The following ARHGAP32 variants were observed in gnomAD, a reference collection of about 807,000 sequenced individuals.
The protein encoded by ARHGAP32 is rho GTPase-activating protein 32.
Under a neutral mutation model 186.5 loss-of-function variants are expected in ARHGAP32, and 51 were observed. The ratio of observed to expected loss-of-function variants is 0.27; its 90% confidence interval spans 0.22 to 0.35. The LOEUF is 0.35. ARHGAP32 is among the 10% of genes least tolerant of loss of function. The pLI, the probability that ARHGAP32 is intolerant of heterozygous loss-of-function variation, is 1.00. For synonymous variants in ARHGAP32, 950 were observed against 964.3 expected (o/e 0.99, Z 0.27); for missense variants, 2,186 against 2,623.5 (o/e 0.83, Z 3.64).
rs116342504 is a variant in ARHGAP32 at position 129,149,199 on chromosome 11, A to G, written c.225+15120T>C. 1.0e-3 allele frequency among the ~76,000 whole-genome samples: 155 copies of G among 152,344 alleles called. 1 individual carries two copies. Among genetic ancestry groups the G allele is most frequent in the African/African-American group, 3.6e-3 (151 of 41,582 alleles). ...GAGGCCAATCTACTTGGGCCATAAC[A>G]GCAACTTATGACAGAATAATCTTGC... On this transcript the variant is annotated intron_variant, in intron 2 of 22. Coordinates refer to ENST00000682385, the MANE Select transcript of ARHGAP32 (RefSeq NM_001378024.1).
intron 1 of ARHGAP32, among the ~76,000 whole-genome samples, chr11:129,258,836 A>C (rs1254540203): frequency 6.6e-6 from 1 of 152,204 alleles, no homozygotes; most frequent in Non-Finnish European, 1.5e-5. Context: ...CACATACTGG[A>C]AAGTTAATAG....
At chr11:128,979,310 G>T (rs908595778) in intron 18 of ARHGAP32, among the ~76,000 whole-genome samples, 1 of 152,066 alleles carries the variant, frequency 6.6e-6, no homozygotes, top group Non-Finnish European at 1.5e-5. Flanking sequence ...AGAAGACAAG[G>T]ATTAAGAATA....
chr11:129,234,378 T>C (rs1236344354), intron 1 of ARHGAP32, among the ~76,000 whole-genome samples: 1 of 152,074 alleles, frequency 6.6e-6, no homozygotes, highest in African/African-American at 2.4e-5. Flanking sequence ...TTTGAAACTA[T>C]AAAAATATAT....
Position 128,970,501 on chromosome 11 carries a change from T to C in ARHGAP32, c.4712A>G (p.Tyr1571Cys). 6.2e-7 allele frequency: 1 copy of C among 1,614,156 alleles called. No individual in the cohort carries two copies. The highest frequency in any genetic ancestry group is 8.5e-7 in the Non-Finnish European group (1 of 1,180,024). ...GACAGAGGAGCTCAAAGAAGACACA[T>C]ACTCGACCCGGCTGCATGGCTTGGA... ...HHSKPCSRVE[Y>C]VSSLSSSVRN... is the part of the protein sequence containing the mutation. The change falls in exon 23 of 23, where the codon TAT becomes TGT. Residue 1571 changes from tyrosine (Y) to cysteine (C), a missense_variant. Physicochemically the swap from Tyr to Cys is radical, Grantham distance 194. Around this residue, in one of 5 missense-constraint regions of ARHGAP32, gnomAD observed 1,502 missense variants for 1,570.0 expected, o/e 0.96. Coordinates refer to ENST00000682385, the MANE Select transcript of ARHGAP32 (RefSeq NM_001378024.1). The surrounding 1 kb of genome is among the most constrained non-coding windows in gnomAD (Gnocchi z 5.8).
chr11:129,266,710 C>CTAAA (rs1338046778), intron 1 of ARHGAP32, among the ~76,000 whole-genome samples: 1 of 152,102 alleles, frequency 6.6e-6, no homozygotes, highest in African/African-American at 2.4e-5. Context: ...ACAATGGCAC[C>CTAAA]CATCCTGGGC....
At chr11:128,996,806 AGGTCTTGCTCC>A (rs1169579200) in intron 12 of ARHGAP32, among the ~76,000 whole-genome samples, 1 of 151,924 alleles carries the variant, frequency 6.6e-6, no homozygotes, top group Admixed American at 6.6e-5. Context: ...TTTGGAGACA[AGGTCTTGCTCC>A]GTCGCCCAGG....
At chr11:129,271,881 A>G (rs540654620) in intron 1 of ARHGAP32, among the ~76,000 whole-genome samples, 1 of 152,154 alleles carries the variant, frequency 6.6e-6, no homozygotes, top group African/African-American at 2.4e-5. Context: ...AAACAATTTC[A>G]TTGGAGTGCA....
chr11:128,974,025 C>T (rs763062894), intron 21 of ARHGAP32, 99 bp downstream of exon 21: 6 of 1,388,790 alleles, frequency 4.3e-6, no homozygotes, highest in Admixed American at 2.1e-5. Context: ...TGATTAAAGG[C>T]TAGCTGTGGA....
intron 6 of ARHGAP32, among the ~76,000 whole-genome samples, chr11:129,086,668 A>C (rs904638058): frequency 1.3e-5 from 2 of 152,070 alleles, no homozygotes; most frequent in Non-Finnish European, 2.9e-5. Flanking sequence ...AAAAATACAA[A>C]AAATTAGCCG....
chr11:129,052,225 G>A (rs893624661), intron 10 of ARHGAP32, among the ~76,000 whole-genome samples: 4 of 152,266 alleles, frequency 2.6e-5, no homozygotes, highest in Non-Finnish European at 5.9e-5. Context: ...ACAACTGTAT[G>A]TATGTATTTC....
At chr11:129,278,646 G>T (rs539633237) in intron 1 of ARHGAP32, among the ~76,000 whole-genome samples, 2 of 152,082 alleles carry the variant, frequency 1.3e-5, no homozygotes, top group African/African-American at 2.4e-5. Context: ...TCGGAAAGAC[G>T]AGGGGGGAAC....
chr11:129,002,580 ATTTC>A (rs1266402043), intron 11 of ARHGAP32, among the ~76,000 whole-genome samples: 1 of 152,046 alleles, frequency 6.6e-6, no homozygotes, highest in African/African-American at 2.4e-5. Flanking sequence ...AGTGCCCTTT[ATTTC>A]TTTCTCTTTT....
intron 12 of ARHGAP32, among the ~76,000 whole-genome samples, chr11:128,991,417 T>G (rs1946047126): frequency 6.6e-6 from 1 of 151,982 alleles, no homozygotes; most frequent in African/African-American, 2.4e-5. Context: ...AACTTGAATC[T>G]TGAAGAAAAG....
chr11:129,060,128 T>C (rs1940429550), intron 10 of ARHGAP32, among the ~76,000 whole-genome samples: 1 of 152,228 alleles, frequency 6.6e-6, no homozygotes, highest in South Asian at 2.1e-4. Flanking sequence ...AATGAACTAA[T>C]TGTGTGCGTC....
rs1287906795 is a variant in ARHGAP32, at chr11:128,966,914, T to G, written c.*1993A>C. 1 of 152,230 alleles carries G rather than the reference T, an allele frequency of 6.6e-6. No homozygotes were observed. The highest frequency in any genetic ancestry group is 1.5e-5 in the Non-Finnish European group (1 of 68,044). 9.4% of individuals were successfully genotyped at this position (152,230 alleles called of 1,614,324 possible). On this transcript the variant is annotated 3_prime_UTR_variant, in exon 23 of 23. Coordinates refer to ENST00000682385, the MANE Select transcript of ARHGAP32 (RefSeq NM_001378024.1). ...ATTCACCAAAGGTCATACTCCTGTA[T>G]GTAGCACCCAGGGTGTTTTTGTGCC...
intron 10 of ARHGAP32, among the ~76,000 whole-genome samples, chr11:129,049,306 G>A (rs1939941560): frequency 1.3e-5 from 2 of 152,272 alleles, no homozygotes; most frequent in South Asian, 4.1e-4. Flanking sequence ...AGGTAGAAGA[G>A]ACAGATATGA....
At chr11:128,985,424 T>C (rs510963) in intron 15 of ARHGAP32, among the ~76,000 whole-genome samples, 1 of 152,214 alleles carries the variant, frequency 6.6e-6, no homozygotes, top group South Asian at 2.1e-4. Context: ...TTTAATTTCT[T>C]GTCAGTAATT....
intron 2 of ARHGAP32, among the ~76,000 whole-genome samples, chr11:129,153,228 T>C (rs971352563): frequency 1.3e-5 from 2 of 150,578 alleles, no homozygotes; most frequent in African/African-American, 4.9e-5. Flanking sequence ...CTGAAAAAAA[T>C]CACTGATGAC....
intron 5 of ARHGAP32, among the ~76,000 whole-genome samples, chr11:129,109,257 T>A (rs1181241432): frequency 1.3e-5 from 2 of 151,778 alleles, no homozygotes; most frequent in Admixed American, 6.6e-5. Context: ...CCAAATAGTA[T>A]TCGATTGCAT....
Sources: allele counts gnomAD v4.1 joint callset (sites outside exome capture counted in the v4.1 genomes callset), GRCh38; gene constraint gnomAD v4.1.1; regional missense constraint gnomAD v4.1.1; non-coding constraint Gnocchi (gnomAD v3.1); transcripts MANE v1.5; gene names NCBI Gene and HGNC (gene_info 2026-07-23, HGNC 2026-07-21).